Variants in MACROD2 observed in about 807,000 individuals in gnomAD.
The protein encoded by MACROD2 is mono-ADP ribosylhydrolase 2.
Under a neutral mutation model 70.4 loss-of-function variants are expected in MACROD2, and 36 were observed. The ratio of observed to expected loss-of-function variants is 0.51; its 90% CI spans 0.39 to 0.68. The LOEUF (loss-of-function observed/expected upper bound fraction) is 0.68. Among genes scored for constraint, MACROD2 ranks in the 30% least tolerant of loss-of-function variants. MACROD2 has a pLI of 0.00. For synonymous variants in MACROD2, 172 were observed against 178.8 expected (o/e 0.96, Z 0.30); for missense variants, 496 against 538.4 (o/e 0.92, Z 0.78).
intron 5 of MACROD2, among the ~76,000 whole-genome samples, chr20:15,084,728 C>G (rs441902): frequency 3.9e-5 from 6 of 152,058 alleles, no homozygotes; most frequent in East Asian, 3.9e-4. Context: ...AGCATACATT[C>G]AGTTCTTCCT....
chr20:15,708,930 A>G (rs1298801484), intron 8 of MACROD2, among the ~76,000 whole-genome samples: 3 of 152,122 alleles, frequency 2.0e-5, no homozygotes, highest in Admixed American at 1.3e-4. Context: ...GGAGGCTAAG[A>G]TGGGAGGATC....
At chr20:15,194,733 G>A (rs1012195388) in intron 5 of MACROD2, among the ~76,000 whole-genome samples, 3 of 151,982 alleles carry the variant, frequency 2.0e-5, no homozygotes, top group African/African-American at 7.3e-5. Context: ...CTAACCTTTA[G>A]ATCTTAGTAT....
At chr20:15,138,570 T>G (rs1350500932) in intron 5 of MACROD2, among the ~76,000 whole-genome samples, 1 of 152,178 alleles carries the variant, frequency 6.6e-6, no homozygotes, top group Non-Finnish European at 1.5e-5. Context: ...AAGAAATGGT[T>G]TAATTTTCTC....
At chr20:14,100,292 G>A (rs1220872628) in intron 3 of MACROD2, among the ~76,000 whole-genome samples, 1 of 151,756 alleles carries the variant, frequency 6.6e-6, no homozygotes, top group Admixed American at 6.6e-5. Context: ...CTGTCATTTT[G>A]TTGAACATAG....
At chr20:15,410,574 G>A (rs1464068587) in intron 6 of MACROD2, among the ~76,000 whole-genome samples, 1 of 152,078 alleles carries the variant, frequency 6.6e-6, no homozygotes, top group Non-Finnish European at 1.5e-5. Flanking sequence ...AATACATAGA[G>A]GTGAAAATAT....
chr20:14,701,743 AC>A (rs2071199373), intron 5 of MACROD2, among the ~76,000 whole-genome samples: 1 of 152,184 alleles, frequency 6.6e-6, no homozygotes, highest in African/African-American at 2.4e-5. Context: ...AAGGAGAAAT[AC>A]CCTTGTATAG....
At chr20:14,339,642 G>A (rs1391540034) in intron 3 of MACROD2, among the ~76,000 whole-genome samples, 3 of 152,152 alleles carry the variant, frequency 2.0e-5, no homozygotes, top group South Asian at 4.1e-4. Flanking sequence ...TTAGCAGTTT[G>A]GAGGTTTCCC....
At chr20:14,154,611 A>G (rs1305145544) in intron 3 of MACROD2, among the ~76,000 whole-genome samples, 1 of 140,604 alleles carries the variant, frequency 7.1e-6, no homozygotes, top group Admixed American at 7.3e-5. Flanking sequence ...ACGGGGTTTC[A>G]CCATGTTAGC....
intron 4 of MACROD2, among the ~76,000 whole-genome samples, chr20:14,498,331 G>C (rs892099160): frequency 2.6e-5 from 4 of 152,166 alleles, no homozygotes; most frequent in Admixed American, 1.3e-4. Context: ...CATAAACCAT[G>C]TGCTGTTATA....
In MACROD2 at chr20:14,528,319, C is replaced by CTT. The variant is rs774825139; in HGVS notation, c.301+34812_301+34813insTT. Reference sequence around the variant, plus strand: ...TTTTTTTTTAGTAGAGACAGGGTTTCTGTTTTTTTTTTTTTCAGTAGAGAT... The same window carrying CTT: ...TTTTTTTTTAGTAGAGACAGGGTTTCTTTGTTTTTTTTTTTTTCAGTAGAGAT... On this transcript the variant is annotated intron_variant, in intron 4 of 17. Coordinates refer to ENST00000684519, the MANE Select transcript of MACROD2 (RefSeq NM_001351661.2). Among the ~76,000 whole-genome samples, 4 of 130,016 alleles carry CTT rather than the reference C, an allele frequency of 3.1e-5. No homozygotes were observed. The East Asian group carries it at 1.3e-3, about 41-fold the overall frequency. The allele number at this position is 130,016 out of a possible 152,430, so 85.3% of individuals were successfully genotyped here.
chr20:14,482,470 G>A (rs1262826609), intron 3 of MACROD2, among the ~76,000 whole-genome samples: 1 of 150,698 alleles, frequency 6.6e-6, no homozygotes, highest in Non-Finnish European at 1.5e-5. Context: ...TTCTCTATAA[G>A]CTGGCCACGT....
rs2076506547 is a variant in MACROD2, at chr20:15,182,366, T to C, written c.419-47574T>C. Among the ~76,000 whole-genome samples the C allele has an allele frequency of 1.3e-5, 2 of 152,136 alleles. 1 individual carries two copies. Among genetic ancestry groups the C allele is most frequent in the South Asian group, 4.1e-4 (2 of 4,826 alleles). On this transcript the variant is annotated intron_variant, in intron 5 of 17. Coordinates refer to ENST00000684519, the MANE Select transcript of MACROD2 (RefSeq NM_001351661.2). ...AATGATTGTGCAATTGTGTCTTACA[T>C]TTACAATCTAGTGAGCTGTGAATAA...
rs553632205 is a variant in MACROD2, at chr20:14,741,396, A to G, written c.418+56437A>G. On this transcript the variant is annotated intron_variant, in intron 5 of 17. Coordinates refer to ENST00000684519, the MANE Select transcript of MACROD2 (RefSeq NM_001351661.2). ...TGGCGCTATTATTACCACATTGGTC[A>G]TCCTCTAAAAACAGTGTTGTGAGGT... 9.8e-5 allele frequency among the ~76,000 whole-genome samples: 15 copies of G among 152,306 alleles called. No individual in the cohort carries two copies. The East Asian group carries it at 1.3e-3, about 14-fold the overall frequency.
At chr20:15,248,228 G>A (rs142691230) in intron 6 of MACROD2, among the ~76,000 whole-genome samples, 189 of 152,248 alleles carry the variant, frequency 1.2e-3, no homozygotes, top group African/African-American at 2.5e-3. Flanking sequence ...CTCTCTTAGG[G>A]CTGCTCTCTG....
chr20:14,046,715 T>TTTA (rs2053481118), intron 2 of MACROD2, among the ~76,000 whole-genome samples: 15 of 145,788 alleles, frequency 1.0e-4, no homozygotes, highest in Non-Finnish European at 1.2e-4. Flanking sequence ...AAGCATTCTC[T>TTTA]TTTATTTATT....
At chr20:14,212,694 C>G (rs1177752012) in intron 3 of MACROD2, among the ~76,000 whole-genome samples, 1 of 151,554 alleles carries the variant, frequency 6.6e-6, no homozygotes, top group African/African-American at 2.4e-5. Flanking sequence ...TCTGTAGTCC[C>G]TGTCTCTAAA....
chr20:14,145,960 T>C (rs1428975197), intron 3 of MACROD2, among the ~76,000 whole-genome samples: 1 of 152,240 alleles, frequency 6.6e-6, no homozygotes, highest in Non-Finnish European at 1.5e-5. Flanking sequence ...TATTGTTTTA[T>C]GTAAACCAGT....
chr20:14,850,225 C>T (rs189793256), intron 5 of MACROD2: 68 of 290,496 alleles, frequency 2.3e-4, no homozygotes, highest in African/African-American at 1.5e-3. Context: ...CATCTCATAC[C>T]ATCAATATAT....
chr20:15,040,131 C>T lies in MACROD2; in HGVS notation c.419-189809C>T, dbSNP rs531603398. ...TTTGAAGTACCTTGATTGGCTAACA[C>T]GGTGACACCCTGTCTCTACTAAAAA... is the stretch of plus-strand genomic sequence containing the variant. On this transcript the variant is annotated intron_variant, in intron 5 of 17. Transcript: ENST00000684519. 3.9e-5 allele frequency among the ~76,000 whole-genome samples: 6 copies of T among 152,108 alleles called. No individual in the cohort carries two copies. In the South Asian group the frequency reaches 6.2e-4, roughly 16 times the overall value.
Sources: allele counts gnomAD v4.1 joint callset (sites outside exome capture counted in the v4.1 genomes callset), GRCh38; gene constraint gnomAD v4.1.1; transcripts MANE v1.5; gene names NCBI Gene and HGNC (gene_info 2026-07-23, HGNC 2026-07-21).